AOPEP: variants seen among roughly 807,000 people sequenced by gnomAD.
The protein encoded by AOPEP is aminopeptidase O.
Under a neutral mutation model 98.1 loss-of-function variants are expected in AOPEP, and 77 were observed. That is an observed-to-expected ratio of 0.78 (90% CI 0.65 to 0.95). The LOEUF is 0.95. AOPEP is among the 40% of genes least tolerant of loss of function. The pLI is 0.00. For missense variants in AOPEP, 1,024 were observed against 1,024.7 expected, an observed-to-expected ratio of 1.00 and a Z score of 0.01; for synonymous variants, 346 against 365.3, an observed-to-expected ratio of 0.95 and a Z score of 0.60.
chr9:94,917,173 G>A (rs1163975395), intron 5 of AOPEP, among the ~76,000 whole-genome samples: 2 of 152,126 alleles, frequency 1.3e-5, no homozygotes, highest in Admixed American at 6.5e-5. Flanking sequence ...TCTCCACAAC[G>A]TTCTCTCGGG....
At chr9:94,760,919 C>T (rs1042965074) in intron 2 of AOPEP, among the ~76,000 whole-genome samples, 3 of 152,156 alleles carry the variant, frequency 2.0e-5, no homozygotes, top group African/African-American at 4.8e-5. Flanking sequence ...GGGAGTGATA[C>T]GTCTCCGAGT....
chr9:94,847,161 GTCTC>G lies in AOPEP; in HGVS notation c.1364+46175_1364+46178del, dbSNP rs369354585. On this transcript the variant is annotated intron_variant, in intron 5 of 16. Coordinates refer to ENST00000375315, the MANE Select transcript of AOPEP (RefSeq NM_001193329.3). ...ACACACACACACACACACTCTCTCT[GTCTC>G]TCTCTCTCTCTCTCTGTCTCTGTCT... is the stretch of plus-strand genomic sequence containing the variant. Among the ~76,000 whole-genome samples, 91 of 138,750 alleles carry G rather than the reference GTCTC, an allele frequency of 6.6e-4. No homozygotes were observed. The East Asian group carries it at 0.014, about 22-fold the overall frequency. 91.0% of individuals were successfully genotyped at this position (138,750 alleles called of 152,430 possible).
At chr9:95,055,088 A>G (rs2066709348) in intron 13 of AOPEP, among the ~76,000 whole-genome samples, 1 of 152,138 alleles carries the variant, frequency 6.6e-6, no homozygotes, top group Admixed American at 6.5e-5. Flanking sequence ...AACCAATTGT[A>G]TTTTTCCATT....
At chr9:94,883,895 A>G (rs1162193465) in intron 5 of AOPEP, among the ~76,000 whole-genome samples, 3 of 152,178 alleles carry the variant, frequency 2.0e-5, no homozygotes, top group Non-Finnish European at 4.4e-5. Context: ...ACCACACAGA[A>G]TGGTGGGTAT....
chr9:94,968,908 A>G (rs2059367692), intron 10 of AOPEP, among the ~76,000 whole-genome samples: 1 of 152,172 alleles, frequency 6.6e-6, no homozygotes, highest in Non-Finnish European at 1.5e-5. Flanking sequence ...ATAAGCCAAC[A>G]CTGAAGTTGA....
At chr9:94,838,506 C>G (rs2041891383) in intron 5 of AOPEP, among the ~76,000 whole-genome samples, 1 of 152,182 alleles carries the variant, frequency 6.6e-6, no homozygotes, top group Non-Finnish European at 1.5e-5. Context: ...TCTAGTAAAT[C>G]TCAATATTGG....
the AOPEP span, among the ~76,000 whole-genome samples, chr9:95,109,296 A>G: frequency 6.6e-6 from 1 of 152,212 alleles, no homozygotes; most frequent in Non-Finnish European, 1.5e-5. Flanking sequence ...TAGCCTTACT[A>G]TTGAAAGTTC....
the AOPEP span, chr9:95,117,251 C>A: frequency 1.4e-6 from 2 of 1,425,184 alleles, no homozygotes; most frequent in South Asian, 2.3e-5. Context: ...ATGAGGAGGT[C>A]ATAATTTGAC....
chr9:95,018,363 A>G (rs1044748953), intron 13 of AOPEP, among the ~76,000 whole-genome samples: 10 of 152,026 alleles, frequency 6.6e-5, no homozygotes. Flanking sequence ...TATACTTAAC[A>G]TTTTATTTCT....
At chr9:94,955,130 C>T (rs1373461480) in intron 7 of AOPEP, 47 bp from the exon 8 acceptor site, 1 of 1,092,752 alleles carries the variant, frequency 9.2e-7, no homozygotes. Flanking sequence ...GACCTAATTA[C>T]TTAAGAATGT....
At chr9:94,927,926 C>T (rs1426258277) in intron 6 of AOPEP, among the ~76,000 whole-genome samples, 1 of 152,156 alleles carries the variant, frequency 6.6e-6, no homozygotes, top group Non-Finnish European at 1.5e-5. Flanking sequence ...GGCCTCCCCT[C>T]CCCCAGAGTG....
the AOPEP span, among the ~76,000 whole-genome samples, chr9:95,134,464 G>A: frequency 4.6e-5 from 7 of 152,178 alleles, no homozygotes; most frequent in Middle Eastern, 3.4e-3. Context: ...TGTGGCTCTT[G>A]GAACTCACTT....
chr9:94,919,063 T>C (rs1397203384), intron 5 of AOPEP, among the ~76,000 whole-genome samples: 1 of 152,064 alleles, frequency 6.6e-6, no homozygotes, highest in Non-Finnish European at 1.5e-5. Flanking sequence ...TACAGGCACC[T>C]GCCAGCACAC....
chr9:95,122,019 G>A, the AOPEP span, among the ~76,000 whole-genome samples: 5 of 151,800 alleles, frequency 3.3e-5, no homozygotes, highest in African/African-American at 7.3e-5. Flanking sequence ...CACCATGCCC[G>A]GCGAATTTTT....
At chr9:95,105,155 A>T in the AOPEP span, among the ~76,000 whole-genome samples, 3 of 152,226 alleles carry the variant, frequency 2.0e-5, no homozygotes, top group African/African-American at 7.2e-5. Context: ...GTCTTAGCTG[A>T]GACACCAGCA....
At chr9:94,783,226 A>C (rs1843674040) in intron 3 of AOPEP, among the ~76,000 whole-genome samples, 2 of 152,228 alleles carry the variant, frequency 1.3e-5, no homozygotes, top group Admixed American at 6.5e-5. Flanking sequence ...TGTGTTCAGC[A>C]GATGGCGCTC....
intron 5 of AOPEP, among the ~76,000 whole-genome samples, chr9:94,851,502 G>C (rs1412591394): frequency 6.6e-6 from 1 of 151,758 alleles, no homozygotes; most frequent in Non-Finnish European, 1.5e-5. Flanking sequence ...CATCCTTTGG[G>C]CTGGATGATT....
At chr9:94,894,659 G>A (rs1226626704) in intron 5 of AOPEP, among the ~76,000 whole-genome samples, 1 of 152,154 alleles carries the variant, frequency 6.6e-6, no homozygotes, top group Non-Finnish European at 1.5e-5. Context: ...TAACTGTAAA[G>A]ATATTTTCAT....
intron 5 of AOPEP, among the ~76,000 whole-genome samples, chr9:94,821,970 AAC>A (rs34645632): frequency 0.086 from 12,090 of 141,326 alleles, 728 homozygotes; most frequent in African/African-American, 0.19. Context: ...TGTGTGTGTA[AAC>A]ACACACACAC....
Sources: gnomAD v4.1 joint callset for allele counts (sites outside exome capture counted in the v4.1 genomes callset) on GRCh38, gnomAD v4.1.1 for gene constraint, MANE v1.5 for transcripts, NCBI Gene and HGNC (gene_info 2026-07-23, HGNC 2026-07-21) for gene names.